The following TTLL7 variants were observed in gnomAD, a reference collection of about 807,000 sequenced individuals.
TTLL7 encodes the protein tubulin tyrosine ligase like 7.
Under a neutral mutation model 120.2 loss-of-function variants are expected in TTLL7, and 53 were observed. That is an observed-to-expected ratio of 0.44 (90% CI 0.35 to 0.55). TTLL7 has a LOEUF of 0.55. Ranked by LOEUF, TTLL7 falls within the 20% of genes least tolerant of loss-of-function variation. The probability of loss-of-function intolerance (pLI) is 0.00; values close to 1 mark genes in which losing one functional copy is unlikely to be tolerated. For missense variants in TTLL7, 803 were observed against 1,054.7 expected, an observed-to-expected ratio of 0.76 and a Z score of 3.31; for synonymous variants, 353 against 351.7, an observed-to-expected ratio of 1.00 and a Z score of -0.04.
chr1:83,871,129 C>T (rs984579778), intron 20 of TTLL7, among the ~76,000 whole-genome samples: 18 of 151,558 alleles, frequency 1.2e-4, no homozygotes, highest in African/African-American at 4.3e-4. Context: ...GATTCTCTTG[C>T]CTCAGCCTCT....
At chr1:83,995,586 C>T (rs1227733611) in intron 1 of TTLL7, among the ~76,000 whole-genome samples, 4 of 152,004 alleles carry the variant, frequency 2.6e-5, no homozygotes, top group African/African-American at 9.7e-5. Flanking sequence ...GCCTGCAGAA[C>T]TGTGAGCCAA....
intron 6 of TTLL7, chr1:83,945,972 A>C (rs982734469): frequency 1.3e-4 from 20 of 152,332 alleles, no homozygotes; most frequent in African/African-American, 4.8e-4. Flanking sequence ...ATTAAAAGTC[A>C]AAAGAAAAAT....
Position 83,917,615 on chromosome 1 carries a change from G to T in TTLL7, c.1576C>A (p.Arg526=), listed in dbSNP as rs781080724. ...EKLMGKTTKT[R]GPKPLCSMPE... ...GAGATATACTGCACCTTTGGTCCTC[G>T]AGTCTTGGTAGTTTTTCCCATCAAC... Residue 526 remains arginine (R), a synonymous_variant, in exon 14 of 21, where the codon CGA becomes AGA. Coordinates refer to ENST00000260505, the MANE Select transcript of TTLL7 (RefSeq NM_024686.6). 1.3e-5 allele frequency: 21 copies of T among 1,611,752 alleles called. No homozygotes were observed. The highest frequency in any genetic ancestry group is 1.8e-5 in the Non-Finnish European group (21 of 1,178,156).
In TTLL7 at chr1:83,948,651, A is replaced by T; in HGVS notation, c.324T>A (p.Asp108Glu). The T allele has an allele frequency of 6.2e-7, 1 of 1,611,152 alleles. No homozygotes were observed. Among genetic ancestry groups the T allele is most frequent in the Non-Finnish European group, 8.5e-7 (1 of 1,177,912 alleles). ...ACTTGGTCATATTTCTTGCTAAGAAATCCTTCCTACAGATCTCCCCCATTC... is the reference window on the plus strand; with the variant it reads ...ACTTGGTCATATTTCTTGCTAAGAATTCCTTCCTACAGATCTCCCCCATTC... ...FPGMGEICRK[D>E]FLARNMTKMI... Residue 108 changes from aspartate (D) to glutamate (E), a missense_variant, in exon 5 of 21, where the codon GAT becomes GAA. Physicochemically the swap from Asp to Glu is conservative, Grantham distance 45. Transcript: ENST00000260505.
intron 1 of TTLL7, among the ~76,000 whole-genome samples, chr1:83,959,011 T>C (rs938553104): frequency 6.6e-6 from 1 of 152,214 alleles, no homozygotes; most frequent in African/African-American, 2.4e-5. Context: ...CTTTAAAACA[T>C]GTAAAACTTA....
intron 1 of TTLL7, among the ~76,000 whole-genome samples, chr1:83,977,612 G>T (rs551094220): frequency 1.3e-5 from 2 of 152,140 alleles, no homozygotes; most frequent in Non-Finnish European, 2.9e-5. Flanking sequence ...GAAGAGACAG[G>T]CTGCAGCATC....
chr1:83,922,051 C>T (rs1241447840), intron 10 of TTLL7, among the ~76,000 whole-genome samples: 2 of 152,110 alleles, frequency 1.3e-5, no homozygotes, highest in African/African-American at 4.8e-5. Flanking sequence ...TTCCCTGCCA[C>T]GTAGCTGGTG....
chr1:83,895,693 A>G (rs1336694345), intron 18 of TTLL7, among the ~76,000 whole-genome samples: 3 of 152,114 alleles, frequency 2.0e-5, no homozygotes, highest in Non-Finnish European at 4.4e-5. Flanking sequence ...CACAAAGCAG[A>G]TAAGTAACTT....
chr1:83,933,110 C>A (rs1659740282), intron 9 of TTLL7, among the ~76,000 whole-genome samples: 2 of 152,084 alleles, frequency 1.3e-5, no homozygotes, highest in Admixed American at 1.3e-4. Context: ...CTGAGGGAAG[C>A]CCCAGGTATA....
intron 4 of TTLL7, 73 bp downstream of exon 4, chr1:83,949,792 C>T (rs1233009677): frequency 1.3e-6 from 2 of 1,533,196 alleles, no homozygotes; most frequent in African/African-American, 1.4e-5. Context: ...ATATTAAGAA[C>T]CTATCTAAAA....
At chr1:83,902,232 C>T (rs954417212) in intron 18 of TTLL7, 4 of 151,848 alleles carry the variant, frequency 2.6e-5, no homozygotes, top group African/African-American at 9.7e-5. Flanking sequence ...AAACTGAAAA[C>T]ATCTTCATCT....
At position 83,911,232 on chromosome 1, in the gene TTLL7, C is replaced by A; in HGVS notation, c.1719G>T (p.Lys573Asn). Residue 573 changes from lysine to asparagine, a missense_variant, in exon 15 of 21, where the codon AAG (lysine) becomes AAT (asparagine). By Grantham distance (94) the Lys-to-Asn change is moderately conservative. Coordinates refer to ENST00000260505, the MANE Select transcript of TTLL7 (RefSeq NM_024686.6). ...TATATGTAACTTGCTTTTCTCTTTT[C>A]TTATTTTGGTACTCTTCTTTTTCAT... ...DENEKEEYQN[K>N]KREKQVTYNL... The A allele has an allele frequency of 4.3e-6, 7 of 1,613,370 alleles. No individual in the cohort carries two copies. The highest frequency in any genetic ancestry group is 5.9e-6 in the Non-Finnish European group (7 of 1,179,482).
At chr1:83,960,478 C>A (rs1649915789) in intron 1 of TTLL7, among the ~76,000 whole-genome samples, 1 of 151,930 alleles carries the variant, frequency 6.6e-6, no homozygotes, top group South Asian at 2.1e-4. Flanking sequence ...AAAATGTAAT[C>A]CTGGATGATT....
chr1:83,986,199 G>A (rs1468601630), intron 1 of TTLL7, among the ~76,000 whole-genome samples: 1 of 152,132 alleles, frequency 6.6e-6, no homozygotes, highest in Non-Finnish European at 1.5e-5. Flanking sequence ...TGGATATATT[G>A]TGTGTGTACC....
chr1:83,947,404 C>A, intron 5 of TTLL7, 122 bp from the exon 6 acceptor site: 1 of 846,488 alleles, frequency 1.2e-6, no homozygotes, highest in South Asian at 1.8e-5. Flanking sequence ...TTTACTTATT[C>A]ATTGATTTCA....
chr1:83,906,344 T>C lies in TTLL7; in HGVS notation c.2112A>G (p.Glu704=), dbSNP rs1273240437. The change falls in exon 17 of 21, where the codon GAA becomes GAG. Residue 704 remains glutamate (E), a synonymous_variant. Coordinates refer to ENST00000260505, the MANE Select transcript of TTLL7 (RefSeq NM_024686.6). ...ACATACTCACATCTTCTATCAGAAGTTCTGATTCTGCATCTGACTTTCCTG... is the reference window on the plus strand; with the variant it reads ...ACATACTCACATCTTCTATCAGAAGCTCTGATTCTGCATCTGACTTTCCTG... ...RFPGKSDAES[E]LLIEDIIDNW... The C allele has an allele frequency of 6.2e-7, 1 of 1,612,112 alleles. No homozygotes were observed. Among genetic ancestry groups the C allele is most frequent in the African/African-American group, 1.3e-5 (1 of 74,806 alleles).
rs1557565617 is a variant in TTLL7, at chr1:83,892,563, TG to T, written c.2209-2083del. On this transcript the variant is annotated intron_variant, in intron 18 of 20. Coordinates refer to ENST00000260505, the MANE Select transcript of TTLL7 (RefSeq NM_024686.6). ...ATGAATGAACATATATATGAACATATGAACATATATATGAACATATAAATGA... is the reference window on the plus strand; with the variant it reads ...ATGAATGAACATATATATGAACATATAACATATATATGAACATATAAATGA... Among the ~76,000 whole-genome samples, 129 of 144,120 alleles carry T rather than the reference TG, an allele frequency of 9.0e-4. 2 individuals carry two copies. Among genetic ancestry groups the T allele is most frequent in the African/African-American group, 1.1e-3 (40 of 38,092 alleles). The allele number at this position is 144,120 out of a possible 152,430, so 94.5% of individuals were successfully genotyped here. A position where few individuals can be genotyped will look rare whatever the true frequency, so the allele number is the denominator to read the frequency against.
At chr1:83,927,021 G>A (rs1048220969) in intron 10 of TTLL7, among the ~76,000 whole-genome samples, 4 of 151,876 alleles carry the variant, frequency 2.6e-5, no homozygotes, top group Non-Finnish European at 4.4e-5. Context: ...ATTTGAATCT[G>A]TACTCAAATT....
intron 1 of TTLL7, among the ~76,000 whole-genome samples, chr1:83,965,382 GTCTCT>G (rs1381974881): frequency 6.6e-6 from 1 of 152,004 alleles, no homozygotes; most frequent in African/African-American, 2.4e-5. Context: ...TTGTTCTTCT[GTCTCT>G]TCTGCCACCT....
Sources: allele counts gnomAD v4.1 joint callset (sites outside exome capture counted in the v4.1 genomes callset), GRCh38; gene constraint gnomAD v4.1.1; transcripts MANE v1.5; gene names NCBI Gene and HGNC (gene_info 2026-07-23, HGNC 2026-07-21).